The following C12orf54 variants were observed in gnomAD, a reference collection of about 807,000 sequenced individuals.
C12orf54 encodes the protein uncharacterized protein C12orf54.
C12orf54 carries 24 observed loss-of-function variants against 26.4 expected under a neutral mutation model. That is an observed-to-expected ratio of 0.91 (90% CI 0.66 to 1.28). The LOEUF is 1.28. Among genes scored for constraint, C12orf54 ranks in the 50% most tolerant of loss-of-function variants. The probability of loss-of-function intolerance (pLI) is 0.00; values close to 1 mark genes in which losing one functional copy is unlikely to be tolerated. For missense variants in C12orf54, 154 were observed against 150.9 expected (o/e 1.02, Z -0.11); for synonymous variants, 54 against 47.0 (o/e 1.15, Z -0.61).
chr12:48,438,013 C>T, the C12orf54 span, among the ~76,000 whole-genome samples: 5 of 152,208 alleles, frequency 3.3e-5, no homozygotes, highest in African/African-American at 4.8e-5. Context: ...CCCATTGTAA[C>T]AGCCCAAAAT....
intron 4 of C12orf54, chr12:48,487,814 A>T: frequency 2.1e-6 from 1 of 470,016 alleles, no homozygotes; most frequent in Non-Finnish European, 3.8e-6. Context: ...AAGTTCTCAC[A>T]CTTTCTCCCA....
At chr12:48,445,617 G>A in the C12orf54 span, among the ~76,000 whole-genome samples, 2 of 152,120 alleles carry the variant, frequency 1.3e-5, no homozygotes, top group Non-Finnish European at 2.9e-5. Flanking sequence ...CTGGCATAAT[G>A]CGGGCTTTCA....
the C12orf54 span, among the ~76,000 whole-genome samples, chr12:48,454,100 T>G: frequency 3.4e-4 from 30 of 87,954 alleles, no homozygotes; most frequent in Admixed American, 1.1e-3. Context: ...TTGTTTGTTT[T>G]TTTTTTTTTT....
chr12:48,455,404 A>G, the C12orf54 span, among the ~76,000 whole-genome samples: 1 of 152,132 alleles, frequency 6.6e-6, no homozygotes, highest in African/African-American at 2.4e-5. Context: ...GCTGTGATGA[A>G]CATATGCATA....
chr12:48,430,042 C>T, the C12orf54 span, among the ~76,000 whole-genome samples: 1 of 152,060 alleles, frequency 6.6e-6, no homozygotes, highest in African/African-American at 2.4e-5. Context: ...TTCAACAAAG[C>T]AAACAAAAAC....
the C12orf54 span, chr12:48,417,307 A>G: frequency 2.0e-5 from 3 of 152,256 alleles, no homozygotes; most frequent in Non-Finnish European, 2.9e-5. Context: ...AAGAAGGATG[A>G]ACTCGGAGAT....
the C12orf54 span, among the ~76,000 whole-genome samples, chr12:48,422,102 G>T: frequency 3.3e-5 from 5 of 152,182 alleles, no homozygotes; most frequent in Admixed American, 6.5e-5. Flanking sequence ...AGTAAATGTT[G>T]TATTAAATAA....
chr12:48,449,142 G>A, the C12orf54 span, among the ~76,000 whole-genome samples: 2 of 152,210 alleles, frequency 1.3e-5, no homozygotes. Context: ...AAGTCTCATA[G>A]TGGCTGCCCT....
the C12orf54 span, chr12:48,442,211 A>T: frequency 5.0e-6 from 1 of 200,974 alleles, no homozygotes. Flanking sequence ...AAAGAAAATC[A>T]CTGCAGTGAG....
intron 7 of C12orf54, 29 bp from the exon 8 acceptor site, chr12:48,494,769 T>A (rs1565573957): frequency 6.2e-7 from 1 of 1,608,338 alleles, no homozygotes; most frequent in Non-Finnish European, 8.5e-7. Context: ...CTTTCCCTCA[T>A]GTCTACAACT....
the C12orf54 span, among the ~76,000 whole-genome samples, chr12:48,423,623 G>A: frequency 1.3e-5 from 2 of 152,106 alleles, no homozygotes; most frequent in East Asian, 3.9e-4. Flanking sequence ...TAGCACTCTG[G>A]CTTCCTCTAT....
At chr12:48,471,306 A>C in the C12orf54 span, among the ~76,000 whole-genome samples, 1 of 152,150 alleles carries the variant, frequency 6.6e-6, no homozygotes, top group Non-Finnish European at 1.5e-5. Context: ...CGAGTACTCC[A>C]TTGTGTATAT....
chr12:48,468,304 C>T, the C12orf54 span, among the ~76,000 whole-genome samples: 41 of 152,220 alleles, frequency 2.7e-4, no homozygotes, highest in African/African-American at 9.6e-4. Flanking sequence ...AAGTGCACAT[C>T]TGGCACACCG....
chr12:48,423,750 C>T, the C12orf54 span, among the ~76,000 whole-genome samples: 1 of 152,024 alleles, frequency 6.6e-6, no homozygotes, highest in Non-Finnish European at 1.5e-5. Flanking sequence ...GTTCTACTAA[C>T]ATTTGTAAAT....
the C12orf54 span, among the ~76,000 whole-genome samples, chr12:48,430,765 A>G: frequency 2.0e-5 from 3 of 152,362 alleles, no homozygotes; most frequent in Admixed American, 1.3e-4. Flanking sequence ...TAAAAGTGGA[A>G]CTACCATTTG....
At chr12:48,419,334 T>C in the C12orf54 span, among the ~76,000 whole-genome samples, 1 of 152,224 alleles carries the variant, frequency 6.6e-6, no homozygotes, top group African/African-American at 2.4e-5. Flanking sequence ...TTTTAAGCCT[T>C]TCTTATCTCA....
the C12orf54 span, among the ~76,000 whole-genome samples, chr12:48,427,845 C>G: frequency 6.6e-6 from 1 of 151,994 alleles, no homozygotes. Flanking sequence ...ATAGAACATT[C>G]CATCCAAGAA....
At chr12:48,488,654 T>G (rs533619834) in intron 4 of C12orf54, among the ~76,000 whole-genome samples, 1 of 152,294 alleles carries the variant, frequency 6.6e-6, no homozygotes, top group East Asian at 1.9e-4. Context: ...GTAGGTTTCA[T>G]TATACATTCA....
chr12:48,468,919 C>T, the C12orf54 span, among the ~76,000 whole-genome samples: 4 of 152,056 alleles, frequency 2.6e-5, no homozygotes, highest in Non-Finnish European at 4.4e-5. Flanking sequence ...TCGGCAGGTT[C>T]CATGATGCCT....
Sources: gnomAD v4.1 joint callset for allele counts (sites outside exome capture counted in the v4.1 genomes callset) on GRCh38, gnomAD v4.1.1 for gene constraint, MANE v1.5 for transcripts, NCBI Gene and HGNC (gene_info 2026-07-23, HGNC 2026-07-21) for gene names.